The following TBL1XR1 variants were observed in gnomAD, a reference collection of about 807,000 sequenced individuals.
TBL1XR1 encodes the protein F-box-like/WD repeat-containing protein TBL1XR1.
TBL1XR1 carries 5 observed loss-of-function variants against 66.9 expected under a neutral mutation model. The observed-to-expected ratio is 0.07, with a 90% confidence interval of 0.04 to 0.16. The LOEUF (loss-of-function observed/expected upper bound fraction) is 0.16. TBL1XR1 is among the 10% of genes least tolerant of loss of function. The pLI, the probability that TBL1XR1 is intolerant of heterozygous loss-of-function variation, is 1.00. For synonymous variants in TBL1XR1, 210 were observed against 206.0 expected (o/e 1.02, Z -0.17); for missense variants, 238 against 623.2 (o/e 0.38, Z 6.58).
chr3:177,090,517 T>TAAA (rs768136243), intron 2 of TBL1XR1, among the ~76,000 whole-genome samples: 3,472 of 102,320 alleles, frequency 0.034, 143 homozygotes, highest in Middle Eastern at 0.078. Flanking sequence ...CTGTCTCTAC[T>TAAA]AAAAAAAAAA....
At position 177,115,992 on chromosome 3, in the gene TBL1XR1, T is replaced by C. The variant is rs116130386; in HGVS notation, c.-121-17451A>G. ...AGGCCAGGGGAAGCTTTTGCTTTAA[T>C]GAAAATAAAGAACAGGTGCAGCACT... is the stretch of plus-strand genomic sequence containing the variant. On this transcript the variant is annotated intron_variant, in intron 1 of 15. Coordinates refer to ENST00000457928, the MANE Select transcript of TBL1XR1 (RefSeq NM_024665.7). 5.2e-3 allele frequency among the ~76,000 whole-genome samples: 792 copies of C among 152,274 alleles called. 14 individuals are homozygous for C. Among genetic ancestry groups the C allele is most frequent in the African/African-American group, 0.018 (755 of 41,554 alleles).
chr3:177,200,922 G>A (rs750172909), upstream of TBL1XR1, among the ~76,000 whole-genome samples: 1 of 151,948 alleles, frequency 6.6e-6, no homozygotes, highest in Non-Finnish European at 1.5e-5. Flanking sequence ...CAGGAGAATC[G>A]CTTGAACCCT....
chr3:177,070,676 C>T (rs1307494760), intron 2 of TBL1XR1, among the ~76,000 whole-genome samples: 1 of 152,040 alleles, frequency 6.6e-6, no homozygotes, highest in East Asian at 1.9e-4. Context: ...TGGCGAAACC[C>T]CATCTCTACT....
At chr3:177,027,827 T>G (rs1216031480) in intron 14 of TBL1XR1, 1 of 152,182 alleles carries the variant, frequency 6.6e-6, no homozygotes, top group Non-Finnish European at 1.5e-5. Flanking sequence ...AAATTTCTCA[T>G]AATTTATGAG....
At chr3:177,061,004 T>C (rs1718450975) in intron 3 of TBL1XR1, among the ~76,000 whole-genome samples, 1 of 152,238 alleles carries the variant, frequency 6.6e-6, no homozygotes, top group Non-Finnish European at 1.5e-5. Flanking sequence ...GGAAGTCCAC[T>C]TCATAAAAAG....
chr3:177,053,175 A>G (rs976429319), intron 4 of TBL1XR1, among the ~76,000 whole-genome samples: 1 of 152,196 alleles, frequency 6.6e-6, no homozygotes, highest in Admixed American at 6.5e-5. Context: ...TTTTTCTGTA[A>G]AAGAGTAGAC....
At chr3:177,098,396 TC>T in intron 2 of TBL1XR1, 69 bp downstream of exon 2, 1 of 902,168 alleles carries the variant, frequency 1.1e-6, no homozygotes, top group Non-Finnish European at 1.3e-6. Flanking sequence ...TGAGAAACTT[TC>T]AAAATTCTCA....
chr3:177,146,607 A>AAAAAAAAAAAAAAAAAAAG (rs1230752188), intron 1 of TBL1XR1, among the ~76,000 whole-genome samples: 3 of 149,338 alleles, frequency 2.0e-5, no homozygotes, highest in Non-Finnish European at 4.5e-5. Context: ...AAAAAAAAAA[A>AAAAAAAAAAAAAAAAAAAG]GTTGTATTCA....
chr3:177,113,951 T>A (rs1725967251), intron 1 of TBL1XR1, among the ~76,000 whole-genome samples: 1 of 151,976 alleles, frequency 6.6e-6, no homozygotes, highest in Admixed American at 6.6e-5. Context: ...TAAAAAAAAA[T>A]TTAAAACAGA....
chr3:177,046,096 C>T, intron 10 of TBL1XR1, 33 bp downstream of exon 10: 1 of 1,492,796 alleles, frequency 6.7e-7, no homozygotes, highest in Non-Finnish European at 9.0e-7. Flanking sequence ...CAGAAGCAAG[C>T]TCCAGCTTTC....
chr3:177,089,237 G>A (rs1722530075), intron 2 of TBL1XR1, among the ~76,000 whole-genome samples: 1 of 152,148 alleles, frequency 6.6e-6, no homozygotes, highest in Admixed American at 6.5e-5. Context: ...CAATGCAGAA[G>A]AGGCCAGCAG....
At chr3:177,164,377 G>T (rs578166580) in intron 1 of TBL1XR1, among the ~76,000 whole-genome samples, 2 of 149,168 alleles carry the variant, frequency 1.3e-5, no homozygotes, top group Non-Finnish European at 3.0e-5. Context: ...GAAATGTGGA[G>T]TCTTGCCTGT....
intron 1 of TBL1XR1, among the ~76,000 whole-genome samples, chr3:177,102,004 A>AACTG (rs10649617): frequency 0.33 from 50,459 of 151,758 alleles, 8,626 homozygotes; most frequent in East Asian, 0.53. Context: ...TGAACATAGA[A>AACTG]ACTAATAAGA....
chr3:177,110,159 A>G (rs1463849607), intron 1 of TBL1XR1, among the ~76,000 whole-genome samples: 2 of 152,246 alleles, frequency 1.3e-5, no homozygotes, highest in African/African-American at 4.8e-5. Flanking sequence ...GAAATGCTAA[A>G]GAGAAGATGT....
intron 10 of TBL1XR1, among the ~76,000 whole-genome samples, chr3:177,040,507 C>A (rs1212814283): frequency 6.6e-6 from 1 of 152,108 alleles, no homozygotes; most frequent in Non-Finnish European, 1.5e-5. Context: ...AGCAGTTAAA[C>A]TTATCAGCCA....
At chr3:177,108,613 G>C (rs919937432) in intron 1 of TBL1XR1, among the ~76,000 whole-genome samples, 10 of 152,078 alleles carry the variant, frequency 6.6e-5, no homozygotes, top group African/African-American at 2.2e-4. Context: ...ACTAATATCA[G>C]TTAATTATAA....
rs571361204 is a variant in TBL1XR1, at chr3:177,187,943, C to CTTTTTTTTTTTTTTTTTT, written c.-122+9160_-122+9177dup. On this transcript the variant is annotated intron_variant, in intron 1 of 15. Coordinates refer to ENST00000457928, the MANE Select transcript of TBL1XR1 (RefSeq NM_024665.7). ...GCTTGAGAGTCCAGAGTACAATTTC[C>CTTTTTTTTTTTTTTTTTT]TTTTTTTTTTTTTTTTTTTTTTTTG... Among the ~76,000 whole-genome samples, 6 of 77,838 alleles carry CTTTTTTTTTTTTTTTTTT rather than the reference C, an allele frequency of 7.7e-5. 1 individual carries two copies. The highest frequency in any genetic ancestry group is 4.0e-4 in the African/African-American group (6 of 15,088). 51.1% of individuals were successfully genotyped at this position (77,838 alleles called of 152,430 possible).
intron 1 of TBL1XR1, among the ~76,000 whole-genome samples, chr3:177,188,047 T>G (rs1343348818): frequency 6.7e-6 from 1 of 149,626 alleles, no homozygotes; most frequent in Non-Finnish European, 1.5e-5. Context: ...CCTCCCAGGT[T>G]CAGGCTAACA....
chr3:177,040,868 C>CA (rs1209257702), intron 10 of TBL1XR1, among the ~76,000 whole-genome samples: 1 of 152,014 alleles, frequency 6.6e-6, no homozygotes, highest in African/African-American at 2.4e-5. Context: ...ATAAAGGAAA[C>CA]AGACTGGAAA....
Sources: allele counts gnomAD v4.1 joint callset (sites outside exome capture counted in the v4.1 genomes callset), GRCh38; gene constraint gnomAD v4.1.1; transcripts MANE v1.5; gene names NCBI Gene and HGNC (gene_info 2026-07-23, HGNC 2026-07-21).